EPHA3: variants seen among roughly 807,000 people sequenced by gnomAD.
EPHA3 encodes EPH receptor A3, also known as ephrin type-A receptor 3.
Under a neutral mutation model 107.1 loss-of-function variants are expected in EPHA3, and 42 were observed. The observed-to-expected ratio is 0.39, with a 90% confidence interval of 0.31 to 0.51. The LOEUF (loss-of-function observed/expected upper bound fraction) is 0.51. EPHA3 is among the 20% of genes least tolerant of loss of function. EPHA3 has a pLI of 0.78. For missense variants in EPHA3, 1,183 were observed against 1,211.2 expected (o/e 0.98, Z 0.35); for synonymous variants, 461 against 424.8 (o/e 1.09, Z -1.05).
Position 89,439,754 on chromosome 3 carries a change from C to CAT in EPHA3, c.2346+8404_2346+8405dup, listed in dbSNP as rs1339878525. On this transcript the variant is annotated intron_variant, in intron 13 of 16. Transcript: ENST00000336596. ...ACACACACACACACACACACACACACATATATATATGTATGTATGTATATA... is the reference window on the plus strand; with the variant it reads ...ACACACACACACACACACACACACACATATATATATATGTATGTATGTATATA... Among the ~76,000 whole-genome samples, 948 of 145,838 alleles carry CAT rather than the reference C, an allele frequency of 6.5e-3. 4 individuals are homozygous for CAT. The highest frequency in any genetic ancestry group is 9.6e-3 in the Non-Finnish European group (642 of 66,754).
chr3:89,128,580 T>A (rs1235634732), intron 2 of EPHA3, among the ~76,000 whole-genome samples: 6 of 151,842 alleles, frequency 4.0e-5, no homozygotes, highest in Admixed American at 3.9e-4. Context: ...TACCAGAGAA[T>A]CTGCTGCTTC....
chr3:89,389,330 A>G (rs911199814), intron 5 of EPHA3, among the ~76,000 whole-genome samples: 1 of 152,240 alleles, frequency 6.6e-6, no homozygotes, highest in African/African-American at 2.4e-5. Context: ...TGAATGGTAA[A>G]GAAAAATAAG....
rs146242127 is a variant in EPHA3 at position 89,367,049 on chromosome 3, A to G, written c.1306+24959A>G. On this transcript the variant is annotated intron_variant, in intron 5 of 16. Transcript: ENST00000336596. ...CCTCATCTTGATTATTACAGTAGCC[A>G]CTAGTCTGCAGTTGCGTTTCCACCT... is the stretch of plus-strand genomic sequence containing the variant. Among the ~76,000 whole-genome samples the G allele has an allele frequency of 5.8e-4, 87 of 150,622 alleles. 1 individual carries two copies. Among genetic ancestry groups the G allele is most frequent in the African/African-American group, 2.0e-3 (83 of 41,392 alleles).
chr3:89,476,688 A>G (rs558841662), intron 16 of EPHA3, among the ~76,000 whole-genome samples: 6 of 151,250 alleles, frequency 4.0e-5, no homozygotes, highest in Admixed American at 6.6e-5. Flanking sequence ...GCTCACTGCA[A>G]GCTCCGCCTC....
At position 89,127,203 on chromosome 3, in the gene EPHA3, T is replaced by C; in HGVS notation, c.89-6T>C. 1 of 1,609,208 alleles carries C rather than the reference T, an allele frequency of 6.2e-7. No homozygotes were observed. The highest frequency in any genetic ancestry group is 8.5e-7 in the Non-Finnish European group (1 of 1,175,976). On this transcript the variant is annotated splice_polypyrimidine_tract_variant and splice_region_variant and intron_variant, in intron 1 of 16. Transcript: ENST00000336596. ...AACTGTGTTTGTGTATTATGTTTTA[T>C]TTTAGTCAATCTACTGGATTCAAAA...
chr3:89,160,189 C>T (rs2107067801), intron 2 of EPHA3, among the ~76,000 whole-genome samples: 1 of 151,904 alleles, frequency 6.6e-6, no homozygotes, highest in Non-Finnish European at 1.5e-5. Context: ...TATTAGAAAT[C>T]AATAATGTTT....
chr3:89,356,360 G>C (rs1241636187), intron 5 of EPHA3, among the ~76,000 whole-genome samples: 1 of 150,888 alleles, frequency 6.6e-6, no homozygotes, highest in Non-Finnish European at 1.5e-5. Flanking sequence ...GTAATGGAAT[G>C]GCTGGGTCAA....
chr3:89,234,293 G>A (rs796985520), intron 3 of EPHA3, among the ~76,000 whole-genome samples: 18 of 152,212 alleles, frequency 1.2e-4, no homozygotes, highest in African/African-American at 4.3e-4. Flanking sequence ...CTGTTTACTG[G>A]AACCAAACAT....
chr3:89,288,523 G>A (rs944318136), intron 3 of EPHA3, among the ~76,000 whole-genome samples: 6 of 152,102 alleles, frequency 3.9e-5, no homozygotes, highest in African/African-American at 1.4e-4. Context: ...ATAGGCTTGA[G>A]TATTCTATTA....
intron 2 of EPHA3, among the ~76,000 whole-genome samples, chr3:89,185,329 A>G (rs1407431196): frequency 6.6e-6 from 1 of 151,944 alleles, no homozygotes; most frequent in Non-Finnish European, 1.5e-5. Flanking sequence ...TACATGTTGA[A>G]CTCTCTGGTG....
intron 3 of EPHA3, among the ~76,000 whole-genome samples, chr3:89,298,396 G>C (rs1559637588): frequency 6.6e-6 from 1 of 152,040 alleles, no homozygotes. Flanking sequence ...TTGGTTTTCT[G>C]TCCTCCTGTT....
At chr3:89,223,109 G>T (rs1392189475) in intron 3 of EPHA3, among the ~76,000 whole-genome samples, 5 of 152,058 alleles carry the variant, frequency 3.3e-5, no homozygotes, top group African/African-American at 9.7e-5. Flanking sequence ...ATTACCAGGG[G>T]CTTTCATTGT....
chr3:89,420,999 T>G (rs549319596), intron 11 of EPHA3, among the ~76,000 whole-genome samples: 1 of 151,630 alleles, frequency 6.6e-6, no homozygotes, highest in African/African-American at 2.4e-5. Context: ...TTAGCTTGTA[T>G]AACTAGAAAA....
intron 3 of EPHA3, among the ~76,000 whole-genome samples, chr3:89,311,166 A>T (rs1056716811): frequency 3.9e-5 from 6 of 152,066 alleles, no homozygotes; most frequent in Admixed American, 3.9e-4. Context: ...GTGTATACAT[A>T]TATGATGCCC....
At chr3:89,317,266 G>C (rs1314354683) in intron 3 of EPHA3, among the ~76,000 whole-genome samples, 1 of 151,654 alleles carries the variant, frequency 6.6e-6, no homozygotes, top group African/African-American at 2.4e-5. Flanking sequence ...AAACTCACTA[G>C]GTTTATCAGC....
Position 89,219,688 on chromosome 3 carries a change from G to GTGTTTTTTTTTTTTTTTTTTT in EPHA3, c.814+9169_814+9170insGTTTTTTTTTTTTTTTTTTTT. 6.4e-3 allele frequency among the ~76,000 whole-genome samples: 219 copies of GTGTTTTTTTTTTTTTTTTTTT among 34,442 alleles called. 95 individuals are homozygous for GTGTTTTTTTTTTTTTTTTTTT. The highest frequency in any genetic ancestry group is 9.2e-3 in the Non-Finnish European group (176 of 19,126). 22.6% of individuals were successfully genotyped at this position (34,442 alleles called of 152,430 possible). ...TTACCTCCAAGAGGCATTTGGCAATGTTTTTTTTTTTTTTGTTTTTTGTTT... is the reference window on the plus strand; with the variant it reads ...TTACCTCCAAGAGGCATTTGGCAATGTGTTTTTTTTTTTTTTTTTTTTTTTTTTTTTTTTTGTTTTTTGTTT... On this transcript the variant is annotated intron_variant, in intron 3 of 16. Coordinates refer to ENST00000336596, the MANE Select transcript of EPHA3 (RefSeq NM_005233.6).
At chr3:89,138,509 C>A (rs1008102137) in intron 2 of EPHA3, among the ~76,000 whole-genome samples, 13 of 151,860 alleles carry the variant, frequency 8.6e-5, no homozygotes, top group Non-Finnish European at 1.3e-4. Flanking sequence ...ATAAGGTTGT[C>A]TGGGAAATGA....
chr3:89,220,657 T>A (rs1018068607), intron 3 of EPHA3, among the ~76,000 whole-genome samples: 2 of 152,194 alleles, frequency 1.3e-5, no homozygotes. Context: ...GTTAGTTTCC[T>A]TTGAGGATAT....
rs938686751 is a variant in EPHA3 at position 89,399,372 on chromosome 3, A to C, written c.1486A>C (p.Ile496Leu). 11 of 1,613,900 alleles carry C rather than the reference A, an allele frequency of 6.8e-6. No homozygotes were observed. Among genetic ancestry groups the C allele is most frequent in the African/African-American group, 1.3e-5 (1 of 74,896 alleles). The change falls in exon 7 of 17, where the codon ATC becomes CTC. Residue 496 changes from isoleucine to leucine, a missense_variant. Ile to Leu is a conservative substitution (Grantham distance 5). Transcript: ENST00000336596. ...GAGGGCAAGAGGCACAAATGTTACCATCAGTAGCCTCAAGCCTGACACTAT... is the reference window on the plus strand; with the variant it reads ...GAGGGCAAGAGGCACAAATGTTACCCTCAGTAGCCTCAAGCCTGACACTAT... ...ILRARGTNVT[I>L]SSLKPDTIYV...
Sources: gnomAD v4.1 joint callset for allele counts (sites outside exome capture counted in the v4.1 genomes callset) on GRCh38, gnomAD v4.1.1 for gene constraint, MANE v1.5 for transcripts, NCBI Gene and HGNC (gene_info 2026-07-23, HGNC 2026-07-21) for gene names.